ADGRL3: variants seen among roughly 807,000 people sequenced by gnomAD.
The protein encoded by ADGRL3 is adhesion G protein-coupled receptor L3.
A neutral mutation model predicts 153.5 loss-of-function variants in ADGRL3; 62 were observed. The observed-to-expected ratio is 0.40, with a 90% CI of 0.33 to 0.50. ADGRL3 has a LOEUF of 0.50. Among genes scored for constraint, ADGRL3 ranks in the 20% least tolerant of loss-of-function variants. The pLI is 0.47. For synonymous variants in ADGRL3, 710 were observed against 672.5 expected (o/e 1.06, Z -0.86); for missense variants, 1,641 against 1,859.4 (o/e 0.88, Z 2.16).
At chr4:61,756,960 G>C (rs970743281) in intron 8 of ADGRL3, among the ~76,000 whole-genome samples, 33 of 152,190 alleles carry the variant, frequency 2.2e-4, no homozygotes, top group Non-Finnish European at 1.6e-4. Context: ...TTGTATCCCA[G>C]GGATGAAGCC....
intron 24 of ADGRL3, among the ~76,000 whole-genome samples, chr4:62,038,524 G>A (rs1465960199): frequency 6.6e-6 from 1 of 152,124 alleles, no homozygotes; most frequent in African/African-American, 2.4e-5. Context: ...ACTCTTGGAT[G>A]TTAAGATGAG....
At chr4:61,427,615 T>G (rs923806119) in intron 2 of ADGRL3, 4 of 152,862 alleles carry the variant, frequency 2.6e-5, no homozygotes, top group Admixed American at 2.0e-4. Flanking sequence ...GGGGCCCCAG[T>G]GGCTGTTCCT....
chr4:61,451,815 T>A (rs1483249978), intron 2 of ADGRL3, among the ~76,000 whole-genome samples: 3 of 152,152 alleles, frequency 2.0e-5, no homozygotes, highest in African/African-American at 7.2e-5. Flanking sequence ...GGTATGGCAG[T>A]CCTCCTTAAT....
At chr4:61,703,097 T>C (rs1288903984) in intron 6 of ADGRL3, among the ~76,000 whole-genome samples, 1 of 152,136 alleles carries the variant, frequency 6.6e-6, no homozygotes, top group Non-Finnish European at 1.5e-5. Context: ...CTCCTTTGTA[T>C]TTTATTATAC....
chr4:61,568,570 T>C (rs2098825865), intron 4 of ADGRL3, among the ~76,000 whole-genome samples: 4 of 152,170 alleles, frequency 2.6e-5, no homozygotes, highest in Admixed American at 2.6e-4. Flanking sequence ...CCCATGATAA[T>C]ATACTTAAAA....
At chr4:61,439,065 A>T (rs1193660377) in intron 2 of ADGRL3, among the ~76,000 whole-genome samples, 1 of 152,162 alleles carries the variant, frequency 6.6e-6, no homozygotes, top group African/African-American at 2.4e-5. Context: ...CCAGAAAAAA[A>T]AGATACTGAG....
intron 2 of ADGRL3, among the ~76,000 whole-genome samples, chr4:61,459,517 G>A (rs975305192): frequency 6.6e-6 from 1 of 151,750 alleles, no homozygotes; most frequent in African/African-American, 2.4e-5. Flanking sequence ...AGTAAACATT[G>A]GTAAAGAGGT....
chr4:61,689,327 C>T (rs1031612059), intron 6 of ADGRL3, among the ~76,000 whole-genome samples: 1 of 152,104 alleles, frequency 6.6e-6, no homozygotes, highest in Non-Finnish European at 1.5e-5. Context: ...TTCTTTTATT[C>T]CATTCAACAA....
chr4:61,408,235 G>T (rs2097029671), intron 2 of ADGRL3, among the ~76,000 whole-genome samples: 1 of 151,978 alleles, frequency 6.6e-6, no homozygotes, highest in African/African-American at 2.4e-5. Flanking sequence ...TCTTCTGTAT[G>T]TTTTCTTTTT....
intron 6 of ADGRL3, among the ~76,000 whole-genome samples, chr4:61,720,772 T>C (rs1428131915): frequency 2.6e-5 from 4 of 152,208 alleles, no homozygotes; most frequent in Non-Finnish European, 1.5e-5. Context: ...TTGCTAATGG[T>C]AATGCATTAA....
chr4:61,882,182 T>C (rs1197724037), intron 9 of ADGRL3, among the ~76,000 whole-genome samples: 6 of 152,214 alleles, frequency 3.9e-5, no homozygotes, highest in Admixed American at 1.3e-4. Context: ...TAAACAATAA[T>C]AATTGAAATG....
intron 25 of ADGRL3, among the ~76,000 whole-genome samples, chr4:62,057,174 T>C (rs1737484488): frequency 6.6e-6 from 1 of 152,164 alleles, no homozygotes. Context: ...ACTGTCATCC[T>C]TTTTCAGATC....
chr4:61,807,021 AT>A (rs5858729), intron 8 of ADGRL3, among the ~76,000 whole-genome samples: 23,061 of 152,054 alleles, frequency 0.15, 1,883 homozygotes, highest in East Asian at 0.26. Context: ...AAAAATAAGC[AT>A]TTTTAAACAC....
At position 61,439,077 on chromosome 4, in the gene ADGRL3, T is replaced by C. The variant is rs543271936; in HGVS notation, c.-174+55888T>C. On this transcript the variant is annotated intron_variant, in intron 2 of 26. Transcript: ENST00000683033. ...AACCCAGAAAAAAAAGATACTGAGC[T>C]AAGTATATAATATTATAGAGCAAAA... is the stretch of plus-strand genomic sequence containing the variant. 2.8e-3 allele frequency among the ~76,000 whole-genome samples: 425 copies of C among 152,184 alleles called. 2 individuals are homozygous for C. Among genetic ancestry groups the C allele is most frequent in the African/African-American group, 9.9e-3 (411 of 41,512 alleles).
chr4:61,767,082 A>G (rs1250467912), intron 8 of ADGRL3, among the ~76,000 whole-genome samples: 1 of 151,848 alleles, frequency 6.6e-6, no homozygotes, highest in African/African-American at 2.4e-5. Context: ...GGTTTTAATG[A>G]GATGGTAAGG....
At chr4:61,539,239 T>C (rs554651166) in intron 4 of ADGRL3, among the ~76,000 whole-genome samples, 1 of 152,300 alleles carries the variant, frequency 6.6e-6, no homozygotes, top group East Asian at 1.9e-4. Context: ...TGCCGCAAAA[T>C]GCACAGAGTG....
At chr4:61,330,391 C>G (rs151314296) in intron 1 of ADGRL3, among the ~76,000 whole-genome samples, 2 of 152,250 alleles carry the variant, frequency 1.3e-5, no homozygotes, top group African/African-American at 4.8e-5. Context: ...GGTAAATTCT[C>G]TCTCTTGAGC....
intron 2 of ADGRL3, among the ~76,000 whole-genome samples, chr4:61,399,650 G>T (rs911795595): frequency 4.0e-5 from 6 of 151,528 alleles, no homozygotes; most frequent in East Asian, 1.9e-4. Flanking sequence ...TGCTAGTACT[G>T]GTTCTACTGC....
At chr4:61,612,542 CCTTA>C (rs1175583198) in intron 5 of ADGRL3, among the ~76,000 whole-genome samples, 2 of 152,164 alleles carry the variant, frequency 1.3e-5, no homozygotes, top group African/African-American at 4.8e-5. Flanking sequence ...ATAACCTTTT[CCTTA>C]CTTCTACAGG....
Sources: allele counts gnomAD v4.1 joint callset (sites outside exome capture counted in the v4.1 genomes callset), GRCh38; gene constraint gnomAD v4.1.1; transcripts MANE v1.5; gene names NCBI Gene and HGNC (gene_info 2026-07-23, HGNC 2026-07-21).